The following KLHL8 variants were observed in gnomAD, a reference collection of about 807,000 sequenced individuals.
KLHL8 encodes kelch-like protein 8.
A neutral mutation model predicts 63.5 loss-of-function variants in KLHL8; 38 were observed. The observed-to-expected ratio is 0.60, with a 90% CI of 0.46 to 0.78. KLHL8 has a LOEUF of 0.78. KLHL8 is among the 30% of genes least tolerant of loss of function. KLHL8 has a pLI of 0.00. For missense variants in KLHL8, 566 were observed against 752.4 expected, an observed-to-expected ratio of 0.75 and a Z score of 2.90; for synonymous variants, 224 against 254.3, an observed-to-expected ratio of 0.88 and a Z score of 1.13.
intron 5 of KLHL8, among the ~76,000 whole-genome samples, chr4:87,177,816 A>G (rs1383986960): frequency 6.6e-6 from 1 of 152,118 alleles, no homozygotes; most frequent in African/African-American, 2.4e-5. Flanking sequence ...TACGTTGCCC[A>G]GGCTGGTCTT....
intron 8 of KLHL8, among the ~76,000 whole-genome samples, chr4:87,164,887 G>A (rs1016881358): frequency 5.9e-5 from 9 of 152,016 alleles, no homozygotes; most frequent in African/African-American, 9.7e-5. Context: ...GGTGGCTCAC[G>A]CCTGTAATCC....
intron 2 of KLHL8, among the ~76,000 whole-genome samples, chr4:87,190,471 C>T (rs1255901356): frequency 6.6e-6 from 1 of 151,888 alleles, no homozygotes; most frequent in African/African-American, 2.4e-5. Context: ...ATGGTGAAAC[C>T]CCATCTCTAT....
rs192153427 is a variant in KLHL8 at position 87,232,650 on chromosome 4, C to T, written n.57+7608G>A. On this transcript the variant is annotated intron_variant and non_coding_transcript_variant, in intron 1 of 1. Transcript: ENST00000506274. ...CACTTTTAAGGTAGTTTTCTGAGGA[C>T]TCCAGTGATCGTACATTCTGGCCAA... Among the ~76,000 whole-genome samples, 514 of 152,324 alleles carry T rather than the reference C, an allele frequency of 3.4e-3. 4 individuals carry two copies. Among genetic ancestry groups the T allele is most frequent in the Admixed American group, 3.7e-3 (57 of 15,302 alleles).
intron 2 of KLHL8, among the ~76,000 whole-genome samples, chr4:87,189,551 C>T (rs552155692): frequency 2.5e-4 from 38 of 152,162 alleles, no homozygotes; most frequent in African/African-American, 8.2e-4. Flanking sequence ...ACTTGACTAT[C>T]AACATACAAA....
At chr4:87,205,022 C>T (rs1732066690) in intron 1 of KLHL8, among the ~76,000 whole-genome samples, 1 of 151,936 alleles carries the variant, frequency 6.6e-6, no homozygotes, top group Admixed American at 6.6e-5. Flanking sequence ...TGTTGCATTC[C>T]AACATACTCA....
Position 87,161,938 on chromosome 4 carries a change from T to C in KLHL8, c.*1581A>G, listed in dbSNP as rs1730191309. 1 of 152,210 alleles carries C rather than the reference T, an allele frequency of 6.6e-6. No individual in the cohort carries two copies. The highest frequency in any genetic ancestry group is 2.4e-5 in the African/African-American group (1 of 41,452). 9.4% of individuals were successfully genotyped at this position (152,210 alleles called of 1,614,324 possible). On this transcript the variant is annotated 3_prime_UTR_variant, in exon 10 of 10. Transcript: ENST00000273963. Reference sequence around the variant, plus strand: ...TCTTAAAACTTTTTTTTTTCTTTTTTGGTTTGATATACTCAATAGGCACTG... The same window carrying C: ...TCTTAAAACTTTTTTTTTTCTTTTTCGGTTTGATATACTCAATAGGCACTG...
At chr4:87,215,087 C>G (rs1732548028) in intron 1 of KLHL8, among the ~76,000 whole-genome samples, 1 of 152,172 alleles carries the variant, frequency 6.6e-6, no homozygotes, top group Non-Finnish European at 1.5e-5. Context: ...GCGTGAGCCA[C>G]CCCGCTCGGC....
At chr4:87,178,195 A>G (rs1202264825) in intron 5 of KLHL8, among the ~76,000 whole-genome samples, 1 of 152,204 alleles carries the variant, frequency 6.6e-6, no homozygotes, top group Non-Finnish European at 1.5e-5. Flanking sequence ...ATATGTAATT[A>G]TAATTTGAGT....
chr4:87,205,913 A>G (rs569558297), intron 1 of KLHL8, among the ~76,000 whole-genome samples: 22 of 152,318 alleles, frequency 1.4e-4, no homozygotes, highest in African/African-American at 5.1e-4. Context: ...GCTATTAACT[A>G]CCACACTACA....
At position 87,164,948 on chromosome 4, in the gene KLHL8, A is replaced by G. The variant is rs895907552; in HGVS notation, c.1538-869T>C. Among the ~76,000 whole-genome samples, 5 of 152,120 alleles carry G rather than the reference A, an allele frequency of 3.3e-5. No homozygotes were observed. The South Asian group carries it at 1.0e-3, about 32-fold the overall frequency. Reference sequence around the variant, plus strand: ...CCGATCACGAGGTCAGGAGATCGAGACCATCCTGGCTAACACGGTGAAACC... The same window carrying G: ...CCGATCACGAGGTCAGGAGATCGAGGCCATCCTGGCTAACACGGTGAAACC... On this transcript the variant is annotated intron_variant, in intron 8 of 9. Coordinates refer to ENST00000273963, the MANE Select transcript of KLHL8 (RefSeq NM_020803.5).
In KLHL8 at chr4:87,162,338, A is replaced by G. The variant is rs908304911; in HGVS notation, c.*1181T>C. The G allele has an allele frequency of 1.3e-5, 2 of 152,246 alleles. No individual in the cohort carries two copies. Among genetic ancestry groups the G allele is most frequent in the Non-Finnish European group, 2.9e-5 (2 of 68,044 alleles). The allele number at this position is 152,246 out of a possible 1,614,324, so 9.4% of individuals were successfully genotyped here. ...GAAGAGCTGTTAAATCTGTAGGTCCATCAATATCCTGGCTTCAAATCAATA... is the reference window on the plus strand; with the variant it reads ...GAAGAGCTGTTAAATCTGTAGGTCCGTCAATATCCTGGCTTCAAATCAATA... On this transcript the variant is annotated 3_prime_UTR_variant, in exon 10 of 10. Transcript: ENST00000273963.
At chr4:87,181,042 AT>A (rs1402043253) in intron 4 of KLHL8, among the ~76,000 whole-genome samples, 1 of 152,056 alleles carries the variant, frequency 6.6e-6, no homozygotes. Context: ...TCTCAAAAAA[AT>A]TTTTTTAATA....
At chr4:87,179,726 A>AT (rs1292985967) in intron 4 of KLHL8, among the ~76,000 whole-genome samples, 2 of 152,148 alleles carry the variant, frequency 1.3e-5, no homozygotes, top group Non-Finnish European at 2.9e-5. Context: ...GCAGTGAGCT[A>AT]TGATTGCACC....
intron 1 of KLHL8, chr4:87,207,915 T>G: frequency 7.6e-7 from 1 of 1,321,048 alleles, no homozygotes; most frequent in Non-Finnish European, 1.1e-6. Flanking sequence ...TGGGCTACAC[T>G]GAGCACCAGG....
At chr4:87,222,427 G>A (rs1176771751), upstream of KLHL8, among the ~76,000 whole-genome samples, 1 of 151,972 alleles carries the variant, frequency 6.6e-6, no homozygotes, top group Non-Finnish European at 1.5e-5. Flanking sequence ...ATCTCCCTGT[G>A]TTATGCACAT....
At chr4:87,200,224 G>A (rs1731866345) in intron 1 of KLHL8, among the ~76,000 whole-genome samples, 1 of 149,008 alleles carries the variant, frequency 6.7e-6, no homozygotes, top group Non-Finnish European at 1.5e-5. Context: ...AAATGGCCAA[G>A]AAGTATAGCC....
rs1296311180 is a variant in KLHL8 at position 87,204,619 on chromosome 4, A to ACACTAC, written c.-151-8935_-151-8930dup. ...ACTGTGGGTACACCCATACAATAGAACACTACCTCACAATAAAAAGGAACA... is the reference window on the plus strand; with the variant it reads ...ACTGTGGGTACACCCATACAATAGAACACTACCACTACCTCACAATAAAAAGGAACA... On this transcript the variant is annotated intron_variant, in intron 1 of 9. Coordinates refer to ENST00000273963, the MANE Select transcript of KLHL8 (RefSeq NM_020803.5). Among the ~76,000 whole-genome samples the ACACTAC allele has an allele frequency of 5.9e-5, 9 of 152,360 alleles. No individual in the cohort carries two copies. In the South Asian group the frequency reaches 1.2e-3, roughly 21 times the overall value.
intron 1 of KLHL8, among the ~76,000 whole-genome samples, chr4:87,239,299 G>T (rs1396804117): frequency 6.6e-6 from 1 of 152,216 alleles, no homozygotes; most frequent in East Asian, 1.9e-4. Context: ...ATAAAGTTGT[G>T]ACTCTTTAAA....
intron 1 of KLHL8, among the ~76,000 whole-genome samples, chr4:87,203,277 C>A (rs1731988395): frequency 6.6e-6 from 1 of 150,908 alleles, no homozygotes; most frequent in Non-Finnish European, 1.5e-5. Context: ...GTGGCTCACA[C>A]CTGTAATCCC....
Sources: allele counts gnomAD v4.1 joint callset (sites outside exome capture counted in the v4.1 genomes callset), GRCh38; gene constraint gnomAD v4.1.1; transcripts MANE v1.5; gene names NCBI Gene and HGNC (gene_info 2026-07-23, HGNC 2026-07-21).